TMTC2: variants seen among roughly 807,000 people sequenced by gnomAD.
TMTC2 encodes the protein protein O-mannosyl-transferase TMTC2.
TMTC2 carries 43 observed loss-of-function variants against 82.4 expected under a neutral mutation model. The observed-to-expected ratio is 0.52, with a 90% CI of 0.41 to 0.67. TMTC2 has a LOEUF of 0.67. TMTC2 is among the 30% of genes least tolerant of loss of function. TMTC2 has a pLI of 0.00. For missense variants in TMTC2, 919 were observed against 1,012.4 expected (o/e 0.91, Z 1.25); for synonymous variants, 408 against 381.9 (o/e 1.07, Z -0.80).
At chr12:82,948,915 G>T (rs1204980166) in intron 4 of TMTC2, among the ~76,000 whole-genome samples, 1 of 151,606 alleles carries the variant, frequency 6.6e-6, no homozygotes, top group Non-Finnish European at 1.5e-5. Context: ...AGGTTTTCTG[G>T]CTGTGGACTT....
At chr12:82,831,155 T>C (rs932390159) in intron 1 of TMTC2, among the ~76,000 whole-genome samples, 3 of 152,232 alleles carry the variant, frequency 2.0e-5, no homozygotes, top group Non-Finnish European at 2.9e-5. Flanking sequence ...TGCTTTGACT[T>C]TGATGGCAAA....
chr12:82,968,057 A>G (rs563700076), intron 7 of TMTC2, among the ~76,000 whole-genome samples: 1 of 152,144 alleles, frequency 6.6e-6, no homozygotes, highest in Non-Finnish European at 1.5e-5. Flanking sequence ...GAACATTTAG[A>G]AATAGTTTAG....
chr12:82,922,505 CTTCTCT>C (rs1037466985), intron 3 of TMTC2, among the ~76,000 whole-genome samples: 34 of 151,598 alleles, frequency 2.2e-4, no homozygotes, highest in Middle Eastern at 3.4e-3. Flanking sequence ...CTTCCTTTTC[CTTCTCT>C]TTCTCTTTTT....
chr12:82,770,051 CGA>C (rs975602372), intron 1 of TMTC2, among the ~76,000 whole-genome samples: 1 of 152,058 alleles, frequency 6.6e-6, no homozygotes, highest in African/African-American at 2.4e-5. Context: ...AATTCTACTA[CGA>C]GAGTTTAATT....
At chr12:82,894,816 T>C (rs547427187) in intron 2 of TMTC2, among the ~76,000 whole-genome samples, 16 of 152,240 alleles carry the variant, frequency 1.1e-4, no homozygotes, top group African/African-American at 3.4e-4. Flanking sequence ...TATTTTTTAT[T>C]TGAGTCGGAG....
intron 2 of TMTC2, among the ~76,000 whole-genome samples, chr12:82,871,623 G>C (rs960287593): frequency 2.6e-5 from 4 of 151,634 alleles, no homozygotes; most frequent in African/African-American, 9.7e-5. Context: ...ATTTAGCCTG[G>C]TTAGGGAAGA....
chr12:83,079,663 C>A (rs1457446891), intron 11 of TMTC2, among the ~76,000 whole-genome samples: 2 of 152,116 alleles, frequency 1.3e-5, no homozygotes, highest in Non-Finnish European at 2.9e-5. Flanking sequence ...TGATTGGATA[C>A]ACTTTTAAAA....
At chr12:82,999,475 C>A (rs1001071193) in intron 8 of TMTC2, among the ~76,000 whole-genome samples, 5 of 152,208 alleles carry the variant, frequency 3.3e-5, no homozygotes, top group Non-Finnish European at 7.3e-5. Context: ...CGTTTTCACG[C>A]TGCTGATAAA....
intron 1 of TMTC2, among the ~76,000 whole-genome samples, chr12:82,851,839 T>C (rs1027179742): frequency 6.6e-6 from 1 of 152,000 alleles, no homozygotes; most frequent in Non-Finnish European, 1.5e-5. Context: ...TAAGCGTCAT[T>C]CCTGCTCTGA....
intron 3 of TMTC2, among the ~76,000 whole-genome samples, chr12:82,923,951 A>G (rs545863849): frequency 6.6e-6 from 1 of 152,350 alleles, no homozygotes; most frequent in African/African-American, 2.4e-5. Context: ...CAAATTTCTT[A>G]AAGAATTAAC....
chr12:83,016,502 A>T (rs1042138091), intron 8 of TMTC2, among the ~76,000 whole-genome samples: 1 of 152,186 alleles, frequency 6.6e-6, no homozygotes, highest in African/African-American at 2.4e-5. Flanking sequence ...CTTCAATTTG[A>T]TAAGGGCCTA....
chr12:83,044,078 A>C (rs988536821), intron 9 of TMTC2, among the ~76,000 whole-genome samples: 1 of 152,194 alleles, frequency 6.6e-6, no homozygotes, highest in Admixed American at 6.5e-5. Context: ...TACCTTTGGG[A>C]AGCATGTGTG....
intron 8 of TMTC2, among the ~76,000 whole-genome samples, chr12:82,995,335 C>T (rs12231530): frequency 4.6e-5 from 2 of 43,480 alleles, no homozygotes; most frequent in East Asian, 9.1e-4. Context: ...TACACACACA[C>T]ATACACACAC....
intron 8 of TMTC2, among the ~76,000 whole-genome samples, chr12:82,994,487 A>G (rs898283720): frequency 2.0e-5 from 3 of 152,130 alleles, no homozygotes; most frequent in Non-Finnish European, 2.9e-5. Flanking sequence ...TATCTGATCT[A>G]TCATCGTCAT....
intron 2 of TMTC2, among the ~76,000 whole-genome samples, chr12:82,877,609 T>C (rs1459297782): frequency 6.6e-6 from 1 of 152,198 alleles, no homozygotes; most frequent in Non-Finnish European, 1.5e-5. Flanking sequence ...TCCCCTTACC[T>C]GTCCCTCTTT....
At chr12:82,947,838 T>C (rs1209057910) in intron 4 of TMTC2, among the ~76,000 whole-genome samples, 1 of 152,054 alleles carries the variant, frequency 6.6e-6, no homozygotes, top group Non-Finnish European at 1.5e-5. Flanking sequence ...ATTTGCCAGT[T>C]TTCTCTTAAT....
At chr12:82,759,401 A>G (rs1277495860) in intron 1 of TMTC2, 1 of 152,234 alleles carries the variant, frequency 6.6e-6, no homozygotes, top group Non-Finnish European at 1.5e-5. Context: ...TAAAAGAGAG[A>G]TAAGATTCTA....
At chr12:83,006,331 C>G (rs188511984) in intron 8 of TMTC2, among the ~76,000 whole-genome samples, 6 of 152,316 alleles carry the variant, frequency 3.9e-5, no homozygotes, top group Non-Finnish European at 7.3e-5. Context: ...GTCTCACTCG[C>G]TTGGAGAGGC....
At chr12:83,105,875 C>A (rs1884374841) in intron 11 of TMTC2, among the ~76,000 whole-genome samples, 1 of 152,020 alleles carries the variant, frequency 6.6e-6, no homozygotes. Context: ...ATCACAAGAC[C>A]CCAAGGAAGT....
Sources: allele counts gnomAD v4.1 joint callset (sites outside exome capture counted in the v4.1 genomes callset), GRCh38; gene constraint gnomAD v4.1.1; transcripts MANE v1.5; gene names NCBI Gene and HGNC (gene_info 2026-07-23, HGNC 2026-07-21).